The following ITGA4 variants were observed in gnomAD, a reference collection of about 807,000 sequenced individuals.
The protein encoded by ITGA4 is integrin alpha-4.
A neutral mutation model predicts 133.6 loss-of-function variants in ITGA4; 63 were observed. The observed-to-expected ratio is 0.47, with a 90% confidence interval of 0.38 to 0.58. ITGA4 has a LOEUF of 0.58. Ranked by LOEUF, ITGA4 falls within the 20% of genes least tolerant of loss-of-function variation. The probability of loss-of-function intolerance (pLI) is 0.00; values close to 1 mark genes in which losing one functional copy is unlikely to be tolerated. For missense variants in ITGA4, 1,076 were observed against 1,252.7 expected (o/e 0.86, Z 2.13); for synonymous variants, 483 against 438.0 (o/e 1.10, Z -1.28).
At chr2:181,500,603 A>C (rs979012293) in intron 15 of ITGA4, among the ~76,000 whole-genome samples, 2 of 152,064 alleles carry the variant, frequency 1.3e-5, no homozygotes, top group Non-Finnish European at 1.5e-5. Context: ...ATATGTATCT[A>C]TTTTATCTCT....
In ITGA4 at chr2:181,535,774, A is replaced by C. The variant is rs1321891032; in HGVS notation, c.*247A>C. On this transcript the variant is annotated 3_prime_UTR_variant, in exon 28 of 28. Transcript: ENST00000397033. ...TTTTAAATGGGTAGAGAAACACTAA[A>C]GCATTCAATTTATTCAAGAAAAGTA... 6.5e-6 allele frequency: 2 copies of C among 307,248 alleles called. No individual in the cohort carries two copies. The highest frequency in any genetic ancestry group is 1.2e-4 in the East Asian group (2 of 16,218). 19.0% of individuals were successfully genotyped at this position (307,248 alleles called of 1,614,324 possible).
intron 18 of ITGA4, among the ~76,000 whole-genome samples, chr2:181,522,567 C>A (rs897942906): frequency 6.6e-6 from 1 of 152,140 alleles, no homozygotes; most frequent in African/African-American, 2.4e-5. Flanking sequence ...TAGGAGGAAG[C>A]TGTTTGGGTG....
chr2:181,479,336 C>T (rs190718788), intron 5 of ITGA4: 2 of 152,070 alleles, frequency 1.3e-5, no homozygotes, highest in East Asian at 3.9e-4. Context: ...TTGTACTCAA[C>T]CCCAAATCTC....
At chr2:181,459,241 C>A in intron 2 of ITGA4, 1 of 152,140 alleles carries the variant, frequency 6.6e-6, no homozygotes, top group East Asian at 1.9e-4. Context: ...TAAAGTCAAA[C>A]TAGGGTCTGA....
At chr2:181,498,602 C>A (rs1384848346) in intron 14 of ITGA4, 21 bp from the exon 15 acceptor site, 3 of 1,499,514 alleles carry the variant, frequency 2.0e-6, no homozygotes, top group African/African-American at 1.4e-5. Context: ...AGATTAATTG[C>A]AATTCTCTAT....
chr2:181,523,849 C>A lies in ITGA4; in HGVS notation c.2169+317C>A, dbSNP rs1686778699. Among the ~76,000 whole-genome samples the A allele has an allele frequency of 6.6e-6, 1 of 152,154 alleles. No individual in the cohort carries two copies. Among genetic ancestry groups the A allele is most frequent in the Non-Finnish European group, 1.5e-5 (1 of 68,024 alleles). On this transcript the variant is annotated intron_variant, in intron 19 of 27. Coordinates refer to ENST00000397033, the MANE Select transcript of ITGA4 (RefSeq NM_000885.6). This position sits in a 1 kb window ranked among gnomAD's most constrained non-coding sequence, Gnocchi z 4.2. ...GTGGTCCTGTCTGCCAGGCATGTTA[C>A]CTCTGCTATACAAAAAGGTGTTTTT...
rs1456519075 is a variant in ITGA4, at chr2:181,538,453, A to G, written c.*2926A>G. Among the ~76,000 whole-genome samples, 1 of 152,080 alleles carries G rather than the reference A, an allele frequency of 6.6e-6. No individual in the cohort carries two copies. Among genetic ancestry groups the G allele is most frequent in the East Asian group, 1.9e-4 (1 of 5,186 alleles). ...AAAACCTCCTTAACTGACTTCCTTG[A>G]TTGTCCAATGCTCTCCATTACCTCT... On this transcript the variant is annotated 3_prime_UTR_variant, in exon 28 of 28. Transcript: ENST00000397033.
intron 15 of ITGA4, among the ~76,000 whole-genome samples, chr2:181,504,413 A>AT (rs1368609992): frequency 2.0e-5 from 3 of 152,168 alleles, no homozygotes; most frequent in Admixed American, 1.3e-4. Context: ...TAGTAAATAC[A>AT]TTTTTTTGTA....
At chr2:181,508,245 A>T in intron 15 of ITGA4, among the ~76,000 whole-genome samples, 1 of 152,106 alleles carries the variant, frequency 6.6e-6, no homozygotes, top group Non-Finnish European at 1.5e-5. Context: ...ACATATCAAC[A>T]AGAATAGGAG....
intron 5 of ITGA4, 65 bp from the exon 6 acceptor site, chr2:181,480,072 A>G (rs895765163): frequency 3.5e-6 from 4 of 1,143,112 alleles, no homozygotes; most frequent in South Asian, 1.7e-5. Context: ...ACTATCGTGT[A>G]TCTGGAGGAG....
Position 181,482,542 on chromosome 2 carries a change from G to C in ITGA4, c.932G>C (p.Cys311Ser). Reference protein sequence around the residue: ...KLGSYFGASVCAVDLNADGFS... With the variant: ...KLGSYFGASVSAVDLNADGFS... ...GGATCGTACTTTGGAGCTTCTGTCT[G>C]TGCTGTGGACCTCAATGCAGATGGC... Residue 311 changes from cysteine to serine, a missense_variant, in exon 9 of 28, where the codon TGT (cysteine) becomes TCT (serine). This residue lies in a region of ITGA4 where 436 missense variants were observed against 590.7 expected (regional missense o/e 0.74). Coordinates refer to ENST00000397033, the MANE Select transcript of ITGA4 (RefSeq NM_000885.6). The C allele has an allele frequency of 6.2e-7, 1 of 1,613,832 alleles. No individual in the cohort carries two copies. The highest frequency in any genetic ancestry group is 8.5e-7 in the Non-Finnish European group (1 of 1,179,814).
intron 4 of ITGA4, among the ~76,000 whole-genome samples, chr2:181,476,616 T>C (rs1018615947): frequency 6.6e-6 from 1 of 152,172 alleles, no homozygotes; most frequent in East Asian, 1.9e-4. Flanking sequence ...TTTATGTCCA[T>C]GCAGATCTTG....
rs1685183713 is a variant in ITGA4, at chr2:181,458,310, C to A, written c.312C>A (p.Leu104=). The change falls in exon 2 of 28, where the codon CTC becomes CTA. Residue 104 remains leucine, a synonymous_variant. Coordinates refer to ENST00000397033, the MANE Select transcript of ITGA4 (RefSeq NM_000885.6). ...ATCCCGGCCAGACGTGCGAACAGCTCCAGCTGGGTGAGTTGGGTATGGGAC... is the reference window on the plus strand; with the variant it reads ...ATCCCGGCCAGACGTGCGAACAGCTACAGCTGGGTGAGTTGGGTATGGGAC... ...GKNPGQTCEQ[L]QLGSPNGEPC... The A allele has an allele frequency of 1.2e-6, 2 of 1,611,124 alleles. No homozygotes were observed. The highest frequency in any genetic ancestry group is 1.1e-5 in the South Asian group (1 of 90,310).
At position 181,538,263 on chromosome 2, in the gene ITGA4, A is replaced by G. The variant is rs1326924240; in HGVS notation, c.*2736A>G. On this transcript the variant is annotated 3_prime_UTR_variant, in exon 28 of 28. Coordinates refer to ENST00000397033, the MANE Select transcript of ITGA4 (RefSeq NM_000885.6). The stretch of plus-strand genomic sequence containing the variant: ...ATGCAATCTGTAAAGAAAATACATT[A>G]TTTCATCAACTTATTTTGTTGTTTT... 1 of 1,475,976 alleles carries G rather than the reference A, an allele frequency of 6.8e-7. No homozygotes were observed. The highest frequency in any genetic ancestry group is 9.5e-7 in the Non-Finnish European group (1 of 1,056,192). 91.4% of individuals were successfully genotyped at this position (1,475,976 alleles called of 1,614,324 possible). A position where few individuals can be genotyped will look rare whatever the true frequency, so the allele number is the denominator to read the frequency against.
chr2:181,499,842 T>A (rs542782025), intron 15 of ITGA4, among the ~76,000 whole-genome samples: 2 of 152,276 alleles, frequency 1.3e-5, no homozygotes, highest in African/African-American at 4.8e-5. Context: ...TTGAAATCAT[T>A]TTAAAGGCAA....
intron 14 of ITGA4, among the ~76,000 whole-genome samples, chr2:181,496,244 C>T (rs1408039339): frequency 1.3e-5 from 2 of 152,092 alleles, no homozygotes; most frequent in Non-Finnish European, 2.9e-5. Flanking sequence ...TTCTTCTTGA[C>T]ATTGGATAAA....
chr2:181,527,158 A>C, intron 21 of ITGA4, 139 bp from the exon 22 acceptor site: 1 of 515,558 alleles, frequency 1.9e-6, no homozygotes, highest in South Asian at 2.5e-5. Flanking sequence ...CTTTTTAAAT[A>C]AAATGTATAT....
Position 181,537,239 on chromosome 2 carries a change from G to GGAAATT in ITGA4, c.*1713_*1718dup, listed in dbSNP as rs1240189161. 6.6e-6 allele frequency: 3 copies of GGAAATT among 453,680 alleles called. No individual in the cohort carries two copies. The highest frequency in any genetic ancestry group is 3.1e-5 in the South Asian group (2 of 64,468). 28.1% of individuals were successfully genotyped at this position (453,680 alleles called of 1,614,324 possible). The stretch of plus-strand genomic sequence containing the variant: ...CTGTCTTCTCCAGGATGGTCTCTAA[G>GGAAATT]GAAATTTACATTTGGTTCTTTCCTA... On this transcript the variant is annotated 3_prime_UTR_variant, in exon 28 of 28. Transcript: ENST00000397033.
chr2:181,527,286 GT>G lies in ITGA4; in HGVS notation c.2340-6del. ...AAGACAGTTAATTAAATTTGAATTT[GT>G]TTTTACCAGGTTTGTAAACCCAACT... On this transcript the variant is annotated splice_polypyrimidine_tract_variant and intron_variant, in intron 21 of 27. Transcript: ENST00000397033. 5.2e-6 allele frequency: 8 copies of G among 1,540,354 alleles called. No individual in the cohort carries two copies. Among genetic ancestry groups the G allele is most frequent in the Non-Finnish European group, 7.2e-6 (8 of 1,113,792 alleles).
Sources: gnomAD v4.1 joint callset for allele counts (sites outside exome capture counted in the v4.1 genomes callset) on GRCh38, gnomAD v4.1.1 for gene constraint, gnomAD v4.1.1 regional missense constraint, Gnocchi (gnomAD v3.1) non-coding constraint, MANE v1.5 for transcripts, NCBI Gene and HGNC (gene_info 2026-07-23, HGNC 2026-07-21) for gene names.